Variants in SUGCT observed in about 807,000 individuals in gnomAD.
SUGCT encodes the protein succinyl-CoA:glutarate-CoA transferase, also known as succinyl-CoA:glutarate CoA-transferase.
In SUGCT, 41 loss-of-function variants were observed where a neutral mutation model predicts 55.0. The observed-to-expected ratio is 0.74, with a 90% CI of 0.58 to 0.97. The LOEUF (loss-of-function observed/expected upper bound fraction) is 0.97. SUGCT is among the 50% of genes least tolerant of loss of function. The probability of loss-of-function intolerance (pLI) is 0.00; values close to 1 mark genes in which losing one functional copy is unlikely to be tolerated. For missense variants in SUGCT, 568 were observed against 547.8 expected (o/e 1.04, Z -0.37); for synonymous variants, 187 against 200.4 (o/e 0.93, Z 0.56).
intron 7 of SUGCT, among the ~76,000 whole-genome samples, chr7:40,249,346 T>TATATATAA (rs1219733878): frequency 4.6e-5 from 6 of 129,830 alleles, no homozygotes; most frequent in African/African-American, 1.5e-4. Flanking sequence ...TATATATATA[T>TATATATAA]AATTATATTA....
intron 12 of SUGCT, among the ~76,000 whole-genome samples, chr7:40,582,455 CTTGAG>C (rs972300886): frequency 6.6e-6 from 1 of 152,116 alleles, no homozygotes; most frequent in African/African-American, 2.4e-5. Context: ...GGCACAGGGT[CTTGAG>C]TTGAATATTT....
chr7:40,975,944 C>A, the SUGCT span, among the ~76,000 whole-genome samples: 37 of 152,290 alleles, frequency 2.4e-4, no homozygotes, highest in South Asian at 1.0e-3. Flanking sequence ...TTTCATAGCC[C>A]TGCCTTAACT....
intron 12 of SUGCT, among the ~76,000 whole-genome samples, chr7:40,649,401 TG>T (rs200049759): frequency 3.3e-5 from 5 of 151,682 alleles, no homozygotes; most frequent in South Asian, 2.1e-4. Flanking sequence ...GCTTTACAGA[TG>T]GGGGGGGAAG....
intron 12 of SUGCT, among the ~76,000 whole-genome samples, chr7:40,657,619 C>T (rs1160121327): frequency 1.3e-5 from 2 of 152,050 alleles, no homozygotes; most frequent in Non-Finnish European, 2.9e-5. Flanking sequence ...ACTGCAACCT[C>T]TGCCTCCCGG....
the SUGCT span, among the ~76,000 whole-genome samples, chr7:41,020,328 C>T: frequency 6.6e-6 from 1 of 152,182 alleles, no homozygotes; most frequent in Non-Finnish European, 1.5e-5. Flanking sequence ...CAAGAGAACG[C>T]ATTTTCTACA....
chr7:40,600,857 T>A (rs1408262997), intron 12 of SUGCT, among the ~76,000 whole-genome samples: 1 of 152,170 alleles, frequency 6.6e-6, no homozygotes, highest in Non-Finnish European at 1.5e-5. Flanking sequence ...AATTTTGTTT[T>A]GTTTTTAAGC....
chr7:40,615,244 A>G (rs946358581), intron 12 of SUGCT, among the ~76,000 whole-genome samples: 4 of 152,138 alleles, frequency 2.6e-5, no homozygotes, highest in Non-Finnish European at 5.9e-5. Context: ...CTCAGTTTTC[A>G]AAGATTTTTT....
chr7:40,233,803 A>G (rs1788855561), intron 6 of SUGCT, among the ~76,000 whole-genome samples: 1 of 152,198 alleles, frequency 6.6e-6, no homozygotes, highest in South Asian at 2.1e-4. Context: ...TTAAATCCTC[A>G]TAAGAAATCT....
chr7:40,948,616 G>A, the SUGCT span, among the ~76,000 whole-genome samples: 7,826 of 149,768 alleles, frequency 0.052, 310 homozygotes, highest in South Asian at 0.16. Context: ...TCCCCCACCC[G>A]CCGACAGGCC....
intron 12 of SUGCT, among the ~76,000 whole-genome samples, chr7:40,545,491 A>C (rs1243861287): frequency 6.6e-6 from 1 of 152,208 alleles, no homozygotes; most frequent in African/African-American, 2.4e-5. Context: ...ATCCTGACTT[A>C]ATGGCTAATT....
chr7:40,895,957 C>T, the SUGCT span, among the ~76,000 whole-genome samples: 2 of 152,172 alleles, frequency 1.3e-5, no homozygotes, highest in East Asian at 3.8e-4. Flanking sequence ...TAGCTGTCTA[C>T]TCTTGTCTCT....
chr7:40,185,149 A>C (rs1224933950), intron 3 of SUGCT, among the ~76,000 whole-genome samples: 2 of 152,140 alleles, frequency 1.3e-5, no homozygotes, highest in African/African-American at 4.8e-5. Context: ...TCATTGTTGG[A>C]TACATGCGGA....
intron 13 of SUGCT, among the ~76,000 whole-genome samples, chr7:40,800,519 T>A (rs949363140): frequency 6.6e-6 from 1 of 152,100 alleles, no homozygotes; most frequent in Non-Finnish European, 1.5e-5. Flanking sequence ...CTCAAACTCC[T>A]GACCTCAGGT....
intron 12 of SUGCT, among the ~76,000 whole-genome samples, chr7:40,717,214 T>A (rs894758628): frequency 1.3e-5 from 2 of 152,236 alleles, no homozygotes; most frequent in African/African-American, 4.8e-5. Flanking sequence ...ACTTTCTCCT[T>A]AGTTCAGCTA....
intron 12 of SUGCT, among the ~76,000 whole-genome samples, chr7:40,738,942 C>G (rs1383987745): frequency 6.6e-6 from 1 of 152,010 alleles, no homozygotes; most frequent in Non-Finnish European, 1.5e-5. Context: ...TACTAAAACT[C>G]TATTCATCAA....
At chr7:40,947,165 A>T in the SUGCT span, among the ~76,000 whole-genome samples, 1 of 152,094 alleles carries the variant, frequency 6.6e-6, no homozygotes, top group Admixed American at 6.6e-5. Context: ...AGACTAGATT[A>T]TCTCAATTAA....
chr7:40,588,893 C>G (rs1219592413), intron 12 of SUGCT, among the ~76,000 whole-genome samples: 1 of 152,008 alleles, frequency 6.6e-6, no homozygotes, highest in East Asian at 1.9e-4. Context: ...TTGCCATTTT[C>G]CTTAGAATCT....
At chr7:40,373,477 G>T (rs1245036066) in intron 9 of SUGCT, among the ~76,000 whole-genome samples, 1 of 146,212 alleles carries the variant, frequency 6.8e-6, no homozygotes, top group African/African-American at 2.5e-5. Context: ...CAAATTAATA[G>T]TGCCCTCATA....
At chr7:40,735,232 T>A (rs940694905) in intron 12 of SUGCT, among the ~76,000 whole-genome samples, 15 of 152,238 alleles carry the variant, frequency 9.9e-5, no homozygotes, top group African/African-American at 3.6e-4. Flanking sequence ...GAATTAAAGA[T>A]GTAAGTCGGG....
Sources: gnomAD v4.1 joint callset for allele counts (sites outside exome capture counted in the v4.1 genomes callset) on GRCh38, gnomAD v4.1.1 for gene constraint, MANE v1.5 for transcripts, NCBI Gene and HGNC (gene_info 2026-07-23, HGNC 2026-07-21) for gene names.